Variants in NKAIN2 observed in about 807,000 individuals in gnomAD.
NKAIN2 encodes the protein sodium/potassium transporting ATPase interacting 2, also known as sodium/potassium-transporting ATPase subunit beta-1-interacting protein 2.
In NKAIN2, 14 loss-of-function variants were observed where a neutral mutation model predicts 32.6. The observed-to-expected ratio is 0.43, with a 90% CI of 0.28 to 0.67. The LOEUF (loss-of-function observed/expected upper bound fraction) is 0.67, where lower values mean the gene tolerates loss of function less well. NKAIN2 is among the 30% of genes least tolerant of loss of function. The pLI is 0.17. For missense variants in NKAIN2, 198 were observed against 258.3 expected (o/e 0.77, Z 1.60); for synonymous variants, 80 against 87.2 (o/e 0.92, Z 0.46).
chr6:124,053,191 C>T (rs1189033480), intron 1 of NKAIN2, among the ~76,000 whole-genome samples: 1 of 151,516 alleles, frequency 6.6e-6, no homozygotes, highest in Non-Finnish European at 1.5e-5. Flanking sequence ...ATTTCATCAC[C>T]CAGGTATTCA....
intron 3 of NKAIN2, among the ~76,000 whole-genome samples, chr6:124,566,425 G>C (rs1207182368): frequency 6.6e-6 from 1 of 152,114 alleles, no homozygotes; most frequent in Non-Finnish European, 1.5e-5. Context: ...GTGAGTGGCA[G>C]GTAGCAGGGG....
chr6:124,365,010 A>G (rs11154230), intron 3 of NKAIN2, among the ~76,000 whole-genome samples: 35,256 of 151,748 alleles, frequency 0.23, 4,215 homozygotes, highest in Admixed American at 0.3. Context: ...CAAGACTAGT[A>G]ATGTCTAGAG....
At chr6:124,066,508 A>C (rs922825115) in intron 1 of NKAIN2, among the ~76,000 whole-genome samples, 1 of 152,154 alleles carries the variant, frequency 6.6e-6, no homozygotes, top group Non-Finnish European at 1.5e-5. Context: ...TTATTGGAAA[A>C]GAGTTATGGA....
chr6:124,733,606 A>C (rs1049983755), intron 4 of NKAIN2, among the ~76,000 whole-genome samples: 1 of 151,904 alleles, frequency 6.6e-6, no homozygotes, highest in African/African-American at 2.4e-5. Context: ...ATAGATGGAG[A>C]ATGCTAAAAG....
chr6:124,394,481 AGATAGATAGATAGATAGATAGATAGATT>A (rs1773281010), intron 3 of NKAIN2, among the ~76,000 whole-genome samples: 1 of 151,222 alleles, frequency 6.6e-6, no homozygotes, highest in Non-Finnish European at 1.5e-5. Context: ...ATAGATAGAT[AGATAGATAGATAGATAGATAGATAGATT>A]AGATAGATAC....
chr6:124,199,165 A>G (rs1790482410), intron 1 of NKAIN2, among the ~76,000 whole-genome samples: 2 of 152,200 alleles, frequency 1.3e-5, no homozygotes, highest in African/African-American at 4.8e-5. Context: ...TGCTTGGCAC[A>G]AACACTGGCG....
chr6:124,041,167 C>A (rs1330134962), intron 1 of NKAIN2, among the ~76,000 whole-genome samples: 1 of 151,974 alleles, frequency 6.6e-6, no homozygotes, highest in Non-Finnish European at 1.5e-5. Flanking sequence ...ATGGTTATTG[C>A]AATATCTATT....
intron 1 of NKAIN2, among the ~76,000 whole-genome samples, chr6:123,900,532 G>GGTTTTTTTT (rs1774516637): frequency 6.1e-5 from 2 of 32,764 alleles, no homozygotes; most frequent in Non-Finnish European, 1.1e-4. Flanking sequence ...CTCCAGATTA[G>GGTTTTTTTT]TTTTTTTTTT....
rs184549573 is a variant in NKAIN2, at chr6:124,312,524, T to C, written c.192+29382T>C. On this transcript the variant is annotated intron_variant, in intron 2 of 6. Transcript: ENST00000368417. ...ATTTACCAGTTTATTATAAAAAGAA[T>C]ATTACAAAGAATACAGATGAAGAGA... Among the ~76,000 whole-genome samples, 48 of 152,242 alleles carry C rather than the reference T, an allele frequency of 3.2e-4. 1 individual carries two copies. Among genetic ancestry groups the C allele is most frequent in the South Asian group, 1.5e-3 (7 of 4,818 alleles).
At chr6:124,423,816 C>G (rs1774859672) in intron 3 of NKAIN2, among the ~76,000 whole-genome samples, 1 of 152,136 alleles carries the variant, frequency 6.6e-6, no homozygotes, top group Non-Finnish European at 1.5e-5. Flanking sequence ...TCTGCTAGTG[C>G]CTGGGCAGAT....
Position 124,519,360 on chromosome 6 carries a change from T to C in NKAIN2, c.274-138826T>C, listed in dbSNP as rs369944800. Among the ~76,000 whole-genome samples the C allele has an allele frequency of 3.9e-5, 6 of 152,150 alleles. No homozygotes were observed. In the South Asian group the frequency reaches 1.2e-3, roughly 31 times the overall value. On this transcript the variant is annotated intron_variant, in intron 3 of 6. Transcript: ENST00000368417. ...GTTCCAGGCTGACCATCAATGAGGATTGACCATGAATTGACAGAAATTAAT... is the reference window on the plus strand; with the variant it reads ...GTTCCAGGCTGACCATCAATGAGGACTGACCATGAATTGACAGAAATTAAT...
chr6:123,999,381 T>A (rs1779782107), intron 1 of NKAIN2, among the ~76,000 whole-genome samples: 1 of 152,202 alleles, frequency 6.6e-6, no homozygotes, highest in Admixed American at 6.5e-5. Flanking sequence ...ACTCTTCTGC[T>A]GCATCTTTAT....
chr6:124,235,906 T>C (rs1254165167), intron 1 of NKAIN2, among the ~76,000 whole-genome samples: 1 of 151,252 alleles, frequency 6.6e-6, no homozygotes, highest in Non-Finnish European at 1.5e-5. Flanking sequence ...CTAGTTTTTA[T>C]TTTTTTTTCT....
At chr6:123,877,209 A>G (rs1773209409) in intron 1 of NKAIN2, among the ~76,000 whole-genome samples, 1 of 152,116 alleles carries the variant, frequency 6.6e-6, no homozygotes, top group African/African-American at 2.4e-5. Context: ...TTATTTTCCC[A>G]GGAAGTGCAT....
chr6:124,536,824 C>G (rs935014662), intron 3 of NKAIN2, among the ~76,000 whole-genome samples: 2 of 151,996 alleles, frequency 1.3e-5, no homozygotes, highest in Admixed American at 6.6e-5. Flanking sequence ...ATGTGGCAAA[C>G]AAACAAATAA....
intron 1 of NKAIN2, among the ~76,000 whole-genome samples, chr6:124,032,961 A>G (rs1479929669): frequency 6.6e-6 from 1 of 152,086 alleles, no homozygotes; most frequent in Non-Finnish European, 1.5e-5. Context: ...AAAAAAATCA[A>G]TAAAGTGCCA....
chr6:123,923,848 G>A (rs546943603), intron 1 of NKAIN2, among the ~76,000 whole-genome samples: 22 of 148,890 alleles, frequency 1.5e-4, no homozygotes, highest in Non-Finnish European at 1.8e-4. Context: ...GCTAGATGAC[G>A]AGTTAGTGGG....
intron 3 of NKAIN2, among the ~76,000 whole-genome samples, chr6:124,582,844 A>G (rs1781572327): frequency 6.6e-6 from 1 of 152,292 alleles, no homozygotes; most frequent in African/African-American, 2.4e-5. Flanking sequence ...GTGGTACACC[A>G]TATCAATAGA....
chr6:124,036,011 G>C (rs891601445), intron 1 of NKAIN2, among the ~76,000 whole-genome samples: 1 of 151,992 alleles, frequency 6.6e-6, no homozygotes, highest in Admixed American at 6.6e-5. Flanking sequence ...AGAATCATTT[G>C]GTATTAAAAG....
Sources: allele counts gnomAD v4.1 joint callset (sites outside exome capture counted in the v4.1 genomes callset), GRCh38; gene constraint gnomAD v4.1.1; transcripts MANE v1.5; gene names NCBI Gene and HGNC (gene_info 2026-07-23, HGNC 2026-07-21).